HECW2: variants seen among roughly 807,000 people sequenced by gnomAD.
HECW2 encodes E3 ubiquitin-protein ligase HECW2.
HECW2 carries 61 observed loss-of-function variants against 175.2 expected under a neutral mutation model. The observed-to-expected ratio is 0.35, with a 90% confidence interval of 0.28 to 0.43. HECW2 has a LOEUF of 0.43. Among genes scored for constraint, HECW2 ranks in the 20% least tolerant of loss-of-function variants. HECW2 has a pLI of 1.00. For missense variants in HECW2, 1,524 were observed against 2,000.5 expected (o/e 0.76, Z 4.54); for synonymous variants, 671 against 731.0 (o/e 0.92, Z 1.32).
At chr2:196,438,711 C>A (rs796097125) in intron 1 of HECW2, among the ~76,000 whole-genome samples, 3 of 152,186 alleles carry the variant, frequency 2.0e-5, no homozygotes, top group African/African-American at 7.2e-5. Context: ...CACAAAGATG[C>A]TTTTTGAGCC....
chr2:196,238,340 A>G (rs1310260643), intron 21 of HECW2, among the ~76,000 whole-genome samples: 2 of 152,198 alleles, frequency 1.3e-5, no homozygotes, highest in Non-Finnish European at 2.9e-5. Flanking sequence ...TAATCCAGAA[A>G]AAAAGTTAGG....
Position 196,319,031 on chromosome 2 carries a change from G to T in HECW2, c.1859C>A (p.Ala620Asp). The T allele has an allele frequency of 6.2e-7, 1 of 1,613,842 alleles. No homozygotes were observed. Among genetic ancestry groups the T allele is most frequent in the Non-Finnish European group, 8.5e-7 (1 of 1,179,932 alleles). ...GGCTTCGCTCACACTCTCTGTCCTG[G>T]CAGGATCACTGGGTTCTGTTTCAGA... ...VSSETEPSDPARTESVSEAST... is the reference protein window; with the variant it reads ...VSSETEPSDPDRTESVSEAST... The change falls in exon 9 of 29, where the codon GCC (alanine) becomes GAC (aspartate). Residue 620 changes from alanine (A) to aspartate (D), a missense_variant. Coordinates refer to ENST00000644978, the MANE Select transcript of HECW2 (RefSeq NM_001348768.2).
At chr2:196,352,808 C>T (rs1453082211) in intron 2 of HECW2, among the ~76,000 whole-genome samples, 4 of 152,220 alleles carry the variant, frequency 2.6e-5, no homozygotes, top group Admixed American at 2.6e-4. Context: ...AAATTACTGA[C>T]AGCCCAGTGA....
chr2:196,473,278 T>C (rs1334288699), intron 1 of HECW2, among the ~76,000 whole-genome samples: 3 of 152,220 alleles, frequency 2.0e-5, no homozygotes, highest in Non-Finnish European at 4.4e-5. Flanking sequence ...GAAGAAAATA[T>C]TGGAACTATG....
chr2:196,224,840 A>G (rs1687793409), intron 23 of HECW2, among the ~76,000 whole-genome samples: 1 of 152,318 alleles, frequency 6.6e-6, no homozygotes, highest in Middle Eastern at 3.4e-3. Context: ...GTGGGCCACA[A>G]AGAACCAAAG....
chr2:196,511,880 T>G (rs1396342725), intron 1 of HECW2, among the ~76,000 whole-genome samples: 1 of 152,190 alleles, frequency 6.6e-6, no homozygotes, highest in Non-Finnish European at 1.5e-5. Context: ...GAGCAGGCCC[T>G]GTGATTCAGG....
chr2:196,425,400 C>G (rs1048751707), intron 2 of HECW2, among the ~76,000 whole-genome samples: 1 of 152,060 alleles, frequency 6.6e-6, no homozygotes, highest in Non-Finnish European at 1.5e-5. Context: ...AAGGCTATAG[C>G]TGCCATAGAT....
intron 13 of HECW2, among the ~76,000 whole-genome samples, chr2:196,296,106 G>A (rs1288445457): frequency 6.6e-6 from 1 of 152,056 alleles, no homozygotes; most frequent in African/African-American, 2.4e-5. Context: ...AACTTCATAT[G>A]TTTATGCAAA....
At chr2:196,427,519 T>A (rs948829986) in intron 2 of HECW2, among the ~76,000 whole-genome samples, 1 of 152,170 alleles carries the variant, frequency 6.6e-6, no homozygotes, top group East Asian at 1.9e-4. Flanking sequence ...CTCTTTAAAC[T>A]GTTTCCATCT....
At chr2:196,416,171 A>C (rs1695252113) in intron 2 of HECW2, among the ~76,000 whole-genome samples, 1 of 152,228 alleles carries the variant, frequency 6.6e-6, no homozygotes, top group South Asian at 2.1e-4. Flanking sequence ...GTTACAGTTT[A>C]GAGAAAGATG....
chr2:196,556,681 C>G (rs930851831), intron 1 of HECW2, among the ~76,000 whole-genome samples: 1 of 152,180 alleles, frequency 6.6e-6, no homozygotes, highest in East Asian at 1.9e-4. Flanking sequence ...ATTCAATGAA[C>G]ATCTGTGGGA....
intron 2 of HECW2, among the ~76,000 whole-genome samples, chr2:196,414,036 C>T (rs1695188333): frequency 6.6e-6 from 1 of 152,202 alleles, no homozygotes. Context: ...TCAGCTGTAC[C>T]CCACCAACAC....
intron 1 of HECW2, among the ~76,000 whole-genome samples, chr2:196,441,070 C>G (rs1696026425): frequency 6.6e-6 from 1 of 152,212 alleles, no homozygotes; most frequent in African/African-American, 2.4e-5. Context: ...TAGTATACAA[C>G]TTCAATTCCA....
intron 2 of HECW2, among the ~76,000 whole-genome samples, chr2:196,391,426 ACAAT>A (rs1006818585): frequency 6.6e-6 from 1 of 152,210 alleles, no homozygotes; most frequent in African/African-American, 2.4e-5. Flanking sequence ...GACTGACATA[ACAAT>A]CAATCAAGAA....
At chr2:196,503,285 G>A (rs1157276187) in intron 1 of HECW2, among the ~76,000 whole-genome samples, 2 of 152,148 alleles carry the variant, frequency 1.3e-5, no homozygotes, top group South Asian at 2.1e-4. Context: ...ATCTCAGAGT[G>A]CCACAGGCAG....
At chr2:196,325,203 G>A (rs1692103076) in intron 5 of HECW2, 54 bp from the exon 6 acceptor site, 1 of 1,377,482 alleles carries the variant, frequency 7.3e-7, no homozygotes, top group Middle Eastern at 1.9e-4. Flanking sequence ...AGGAGGGAGG[G>A]AGGAAAGAAA....
At chr2:196,587,965 T>C (rs558502544) in intron 1 of HECW2, among the ~76,000 whole-genome samples, 1 of 152,294 alleles carries the variant, frequency 6.6e-6, no homozygotes, top group East Asian at 1.9e-4. Context: ...CTCAGGGCCT[T>C]TGCACTGGCC....
At chr2:196,489,467 C>A (rs115232707) in intron 1 of HECW2, among the ~76,000 whole-genome samples, 51,082 of 151,748 alleles carry the variant, frequency 0.34, 11,749 homozygotes, top group African/African-American at 0.66. Flanking sequence ...GAAGAAAGAC[C>A]AAAGAACCCA....
intron 2 of HECW2, among the ~76,000 whole-genome samples, chr2:196,413,033 C>G (rs572813585): frequency 1.3e-5 from 2 of 152,160 alleles, no homozygotes; most frequent in South Asian, 4.2e-4. Context: ...GGAGAGCTGC[C>G]CTAAGAATTA....
Sources: allele counts gnomAD v4.1 joint callset (sites outside exome capture counted in the v4.1 genomes callset), GRCh38; gene constraint gnomAD v4.1.1; transcripts MANE v1.5; gene names NCBI Gene and HGNC (gene_info 2026-07-23, HGNC 2026-07-21).